LINGO2: variants seen among roughly 807,000 people sequenced by gnomAD.
LINGO2 encodes the protein leucine-rich repeat and immunoglobulin-like domain-containing nogo receptor-interacting protein 2.
LINGO2 carries 14 observed loss-of-function variants against 30.6 expected under a neutral mutation model. The observed-to-expected ratio is 0.46, with a 90% CI of 0.30 to 0.72. LINGO2 has a LOEUF of 0.72. Among genes scored for constraint, LINGO2 ranks in the 30% least tolerant of loss-of-function variants. The pLI is 0.07. For synonymous variants in LINGO2, 317 were observed against 288.5 expected, an observed-to-expected ratio of 1.10 and a Z score of -1.00; for missense variants, 729 against 751.7, an observed-to-expected ratio of 0.97 and a Z score of 0.35.
chr9:28,968,047 A>G, the LINGO2 span, among the ~76,000 whole-genome samples: 1 of 152,286 alleles, frequency 6.6e-6, no homozygotes, highest in South Asian at 2.1e-4. Flanking sequence ...ATATTATTTG[A>G]CACCCTGAAG....
At chr9:28,058,436 T>C (rs2133110049) in intron 4 of LINGO2, among the ~76,000 whole-genome samples, 1 of 152,220 alleles carries the variant, frequency 6.6e-6, no homozygotes, top group African/African-American at 2.4e-5. Context: ...CTACAATACA[T>C]AGGTATAAAA....
the LINGO2 span, among the ~76,000 whole-genome samples, chr9:28,936,447 A>C: frequency 6.6e-6 from 1 of 152,190 alleles, no homozygotes; most frequent in African/African-American, 2.4e-5. Flanking sequence ...TCTTATTTAA[A>C]CCACACAAAT....
intron 1 of LINGO2, among the ~76,000 whole-genome samples, chr9:28,604,040 T>C (rs1196477241): frequency 6.6e-6 from 1 of 152,042 alleles, no homozygotes; most frequent in African/African-American, 2.4e-5. Flanking sequence ...AGATTTTCAT[T>C]TCTGAATATT....
At chr9:28,705,606 C>T in the LINGO2 span, among the ~76,000 whole-genome samples, 1 of 152,098 alleles carries the variant, frequency 6.6e-6, no homozygotes, top group African/African-American at 2.4e-5. Context: ...TTTCTGCTCC[C>T]ACTGCCAGAA....
At chr9:28,779,427 A>T in the LINGO2 span, among the ~76,000 whole-genome samples, 1 of 152,280 alleles carries the variant, frequency 6.6e-6, no homozygotes, top group South Asian at 2.1e-4. Flanking sequence ...ATTGCAAAAC[A>T]TCTGGAGCTA....
intron 4 of LINGO2, among the ~76,000 whole-genome samples, chr9:28,047,939 A>AT (rs952029027): frequency 2.0e-5 from 3 of 150,788 alleles, no homozygotes; most frequent in African/African-American, 7.4e-5. Context: ...TAGCAATGTG[A>AT]TTTTTTAGAA....
At chr9:28,902,164 T>C in the LINGO2 span, among the ~76,000 whole-genome samples, 2 of 152,230 alleles carry the variant, frequency 1.3e-5, no homozygotes, top group East Asian at 1.9e-4. Context: ...TTTGAAGAGA[T>C]AGGAAAAAAT....
intron 1 of LINGO2, among the ~76,000 whole-genome samples, chr9:28,648,367 A>G (rs1563891343): frequency 6.6e-6 from 1 of 152,078 alleles, no homozygotes. Flanking sequence ...TACATTGCCT[A>G]CTCATCTCAT....
At chr9:28,843,031 G>A in the LINGO2 span, among the ~76,000 whole-genome samples, 10 of 151,712 alleles carry the variant, frequency 6.6e-5, no homozygotes, top group Non-Finnish European at 1.2e-4. Context: ...CATGATAAAC[G>A]CTAATATGAA....
chr9:29,007,953 T>C, the LINGO2 span, among the ~76,000 whole-genome samples: 3 of 152,150 alleles, frequency 2.0e-5, no homozygotes, highest in South Asian at 6.2e-4. Context: ...ATACTTTAAG[T>C]TCTAGGGTAC....
intron 4 of LINGO2, among the ~76,000 whole-genome samples, chr9:28,063,138 T>A (rs1825207776): frequency 6.6e-6 from 1 of 152,130 alleles, no homozygotes. Context: ...TCTGGAACAA[T>A]CCAGACATTG....
chr9:28,499,920 T>G (rs999702457), intron 1 of LINGO2, among the ~76,000 whole-genome samples: 2 of 152,140 alleles, frequency 1.3e-5, no homozygotes, highest in Non-Finnish European at 2.9e-5. Context: ...CACAAAAAAA[T>G]GTATGTCACC....
intron 1 of LINGO2, among the ~76,000 whole-genome samples, chr9:28,669,574 T>C (rs1340638300): frequency 6.6e-6 from 1 of 151,948 alleles, no homozygotes; most frequent in Admixed American, 6.6e-5. Context: ...AAAACAAAAA[T>C]ACCCATTGTG....
intron 4 of LINGO2, among the ~76,000 whole-genome samples, chr9:28,234,101 C>A (rs886245086): frequency 6.6e-6 from 1 of 152,090 alleles, no homozygotes; most frequent in African/African-American, 2.4e-5. Flanking sequence ...ACCAGCTCAG[C>A]CACAGTGGGG....
the LINGO2 span, among the ~76,000 whole-genome samples, chr9:28,785,817 A>G: frequency 6.6e-6 from 1 of 152,226 alleles, no homozygotes; most frequent in Non-Finnish European, 1.5e-5. Context: ...GGCAATGGGT[A>G]TGCTAACAAA....
chr9:28,317,327 G>A (rs1489190682), intron 3 of LINGO2, among the ~76,000 whole-genome samples: 1 of 152,078 alleles, frequency 6.6e-6, no homozygotes, highest in African/African-American at 2.4e-5. Flanking sequence ...AGAGCTAGAA[G>A]AAAAGTTTCT....
chr9:28,518,624 C>T (rs893698187), intron 1 of LINGO2, among the ~76,000 whole-genome samples: 3 of 152,194 alleles, frequency 2.0e-5, no homozygotes, highest in Non-Finnish European at 4.4e-5. Flanking sequence ...GAATTCTGCA[C>T]AGACGGGCCT....
At chr9:29,025,805 C>G in the LINGO2 span, among the ~76,000 whole-genome samples, 1 of 152,146 alleles carries the variant, frequency 6.6e-6, no homozygotes, top group African/African-American at 2.4e-5. Context: ...TCTCCCCCCT[C>G]TACCCTTAAC....
the LINGO2 span, among the ~76,000 whole-genome samples, chr9:28,737,986 T>A: frequency 6.6e-6 from 1 of 152,146 alleles, no homozygotes; most frequent in African/African-American, 2.4e-5. Flanking sequence ...TTTGTTTTTT[T>A]CTGGCATTCC....
Sources: gnomAD v4.1 joint callset for allele counts (sites outside exome capture counted in the v4.1 genomes callset) on GRCh38, gnomAD v4.1.1 for gene constraint, MANE v1.5 for transcripts, NCBI Gene and HGNC (gene_info 2026-07-23, HGNC 2026-07-21) for gene names.